Variants in ITGB2 observed in about 807,000 individuals in gnomAD.
ITGB2 encodes integrin subunit beta 2.
ITGB2 carries 56 observed loss-of-function variants against 86.8 expected under a neutral mutation model. That is an observed-to-expected ratio of 0.65 (90% CI 0.52 to 0.81). The LOEUF (loss-of-function observed/expected upper bound fraction) is 0.81, where lower values mean the gene tolerates loss of function less well. Among genes scored for constraint, ITGB2 ranks in the 30% least tolerant of loss-of-function variants. ITGB2 has a pLI of 0.00. For missense variants in ITGB2, 948 were observed against 1,061.2 expected, an observed-to-expected ratio of 0.89 and a Z score of 1.48; for synonymous variants, 457 against 450.4, an observed-to-expected ratio of 1.01 and a Z score of -0.19.
chr21:44,886,550 A>C, intron 15 of ITGB2, 120 bp from the exon 16 acceptor site: 1 of 1,398,134 alleles, frequency 7.2e-7, no homozygotes. Flanking sequence ...GACGTGGGGC[A>C]GCCCCCCCAG....
intron 15 of ITGB2, 72 bp from the exon 16 acceptor site, chr21:44,886,502 A>C (rs1601276958): frequency 5.2e-6 from 8 of 1,527,898 alleles, no homozygotes; most frequent in Non-Finnish European, 7.3e-6. Context: ...CCCTGAGGAC[A>C]CTCCCCGCAT....
At chr21:44,898,949 TG>T (rs1456472123) in intron 8 of ITGB2, 117 bp downstream of exon 8, 2 of 833,046 alleles carry the variant, frequency 2.4e-6, no homozygotes, top group Non-Finnish European at 4.0e-6. Flanking sequence ...CTGGGCCGGC[TG>T]GTTGCTCACG....
intron 6 of ITGB2, 50 bp downstream of exon 6, chr21:44,901,442 C>T (rs760589910): frequency 4.4e-5 from 70 of 1,599,400 alleles, no homozygotes; most frequent in Admixed American, 1.4e-4. Context: ...CCTGACAGAG[C>T]CCCCCACACT....
intron 4 of ITGB2, 134 bp downstream of exon 4, chr21:44,906,781 T>C (rs2084048076): frequency 1.1e-6 from 1 of 898,264 alleles, no homozygotes; most frequent in African/African-American, 1.6e-5. Flanking sequence ...GGGGCTTCAC[T>C]GGCCCACACA....
intron 4 of ITGB2, among the ~76,000 whole-genome samples, chr21:44,903,852 C>T (rs371705570): frequency 4.5e-4 from 69 of 152,262 alleles, no homozygotes; most frequent in African/African-American, 1.6e-3. Context: ...CAGCGGCTCA[C>T]CTGGGCTCAC....
intron 1 of ITGB2, among the ~76,000 whole-genome samples, chr21:44,918,025 T>C (rs2084237007): frequency 6.6e-6 from 1 of 152,162 alleles, no homozygotes; most frequent in Non-Finnish European, 1.5e-5. Flanking sequence ...TCAGTGCCAG[T>C]TTGTGCCAAG....
At chr21:44,914,420 C>G (rs2146554111) in intron 1 of ITGB2, 1 of 152,434 alleles carries the variant, frequency 6.6e-6, no homozygotes, top group South Asian at 2.1e-4. Flanking sequence ...GGTCATCCTT[C>G]CCCGGAGAAC....
chr21:44,890,087 C>T lies in ITGB2; in HGVS notation c.1548G>A (p.Gln516=). Residue 516 remains glutamine (Q), a synonymous_variant, in exon 12 of 16, where the codon CAG becomes CAA. Coordinates refer to ENST00000652462, the MANE Select transcript of ITGB2 (RefSeq NM_000211.5). ...GGACGTCGCTGGTGTGGCACAGGCA[C>T]TGCCCGCAGACACAGTCCCCCAGCC... ...CSGLGDCVCG[Q]CLCHTSDVPG... 2 of 1,613,530 alleles carry T rather than the reference C, an allele frequency of 1.2e-6. No homozygotes were observed. The highest frequency in any genetic ancestry group is 1.7e-6 in the Non-Finnish European group (2 of 1,180,030).
chr21:44,925,065 A>C (rs1291781836), upstream of ITGB2, among the ~76,000 whole-genome samples: 1 of 152,042 alleles, frequency 6.6e-6, no homozygotes, highest in Non-Finnish European at 1.5e-5. Context: ...ATTTGGTAAG[A>C]TGAGAGGTAG....
At chr21:44,911,517 C>G (rs2084132632) in intron 1 of ITGB2, 1 of 152,794 alleles carries the variant, frequency 6.5e-6, no homozygotes, top group Non-Finnish European at 1.5e-5. Flanking sequence ...CCGCGGGTGC[C>G]AGGCTGTGTG....
At position 44,895,666 on chromosome 21, in the gene ITGB2, C is replaced by A. The variant is rs1189410488; in HGVS notation, c.994-606G>T. Among the ~76,000 whole-genome samples, 9 of 152,072 alleles carry A rather than the reference C, an allele frequency of 5.9e-5. No individual in the cohort carries two copies. In the South Asian group the frequency reaches 1.7e-3, roughly 28 times the overall value. On this transcript the variant is annotated intron_variant, in intron 8 of 15. Coordinates refer to ENST00000652462, the MANE Select transcript of ITGB2 (RefSeq NM_000211.5). ...GACCAGCCTGGCCAACATGGTGAAA[C>A]CCCGTCTCTACTAAAAATACAAAAA...
At chr21:44,914,950 AAAAG>A (rs1427470315) in intron 1 of ITGB2, among the ~76,000 whole-genome samples, 1 of 152,108 alleles carries the variant, frequency 6.6e-6, no homozygotes, top group Admixed American at 6.6e-5. Flanking sequence ...AAAGAAAAGA[AAAAG>A]AAAGGAAACT....
Position 44,886,923 on chromosome 21 carries a change from C to T in ITGB2, c.2081-21G>A, listed in dbSNP as rs746888457. The T allele has an allele frequency of 1.9e-6, 3 of 1,610,696 alleles. No homozygotes were observed. In the African/African-American group the frequency reaches 4.0e-5, roughly 21 times the overall value. On this transcript the variant is annotated intron_variant, in intron 14 of 15. Transcript: ENST00000652462. ...ACACTCTAGGGAAGAAGCAGCACAC[C>T]TGAGCGTCAGTCCAGCCCCATCTCA...
At chr21:44,886,661 C>T in intron 15 of ITGB2, 75 bp downstream of exon 15, 3 of 1,598,630 alleles carry the variant, frequency 1.9e-6, no homozygotes, top group Non-Finnish European at 1.7e-6. Flanking sequence ...TGTCCACGGC[C>T]TCCCGCAGCA....
intron 9 of ITGB2, chr21:44,894,610 T>G (rs1037684769): frequency 8.4e-6 from 3 of 357,224 alleles, no homozygotes; most frequent in Non-Finnish European, 1.6e-5. Context: ...AGGGCCCAAG[T>G]CCACTGTGGG....
Position 44,900,450 on chromosome 21 carries a change from G to C in ITGB2, c.767C>G (p.Thr256Arg). 6.2e-7 allele frequency: 1 copy of C among 1,613,970 alleles called. No individual in the cohort carries two copies. Among genetic ancestry groups the C allele is most frequent in the Non-Finnish European group, 8.5e-7 (1 of 1,179,958 alleles). ...CPEEIGWRNV[T>R]RLLVFATDDG... is the part of the protein sequence containing the mutation. ...ATCAGTGGCAAACACCAGCAGCCGC[G>C]TGACGTTGCGCCAGCCGATTTCCTC... is the stretch of plus-strand genomic sequence containing the variant. Residue 256 changes from threonine to arginine, a missense_variant, in exon 7 of 16, where the codon ACG becomes AGG. Thr to Arg is a moderately conservative substitution (Grantham distance 71, BLOSUM62 -1). Transcript: ENST00000652462.
Position 44,899,492 on chromosome 21 carries a change from G to A in ITGB2, c.898-330C>T, listed in dbSNP as rs1005918170. Reference sequence around the variant, plus strand: ...TTCGCACTGAGGGACACTCAGTTTCGGTAGAGGCCATGAGTGTCAGGTGCG... The same window carrying A: ...TTCGCACTGAGGGACACTCAGTTTCAGTAGAGGCCATGAGTGTCAGGTGCG... On this transcript the variant is annotated intron_variant, in intron 7 of 15. Transcript: ENST00000652462. Among the ~76,000 whole-genome samples, 18 of 152,300 alleles carry A rather than the reference G, an allele frequency of 1.2e-4. No homozygotes were observed. In the South Asian group the frequency reaches 3.3e-3, roughly 28 times the overall value.
At chr21:44,895,163 G>A (rs1285363831) in intron 8 of ITGB2, 103 bp from the exon 9 acceptor site, 1 of 855,244 alleles carries the variant, frequency 1.2e-6, no homozygotes, top group East Asian at 2.4e-5. Flanking sequence ...AAAATGGCTG[G>A]GACGGTCCTC....
chr21:44,900,245 G>C, intron 7 of ITGB2, 75 bp downstream of exon 7: 1 of 1,584,826 alleles, frequency 6.3e-7, no homozygotes, highest in Non-Finnish European at 8.7e-7. Context: ...TCTGTCAGGT[G>C]GAGACCCCAC....
Sources: gnomAD v4.1 joint callset for allele counts (sites outside exome capture counted in the v4.1 genomes callset) on GRCh38, gnomAD v4.1.1 for gene constraint, MANE v1.5 for transcripts, NCBI Gene and HGNC (gene_info 2026-07-23, HGNC 2026-07-21) for gene names.